Variants in AQR observed in about 807,000 individuals in gnomAD.
The protein encoded by AQR is RNA helicase aquarius.
Under a neutral mutation model 180.5 loss-of-function variants are expected in AQR, and 61 were observed. The ratio of observed to expected loss-of-function variants is 0.34; its 90% CI spans 0.28 to 0.42. The LOEUF is 0.42. Ranked by LOEUF, AQR falls within the 10% of genes least tolerant of loss-of-function variation. AQR has a pLI of 1.00. For missense variants in AQR, 1,281 were observed against 1,798.3 expected, an observed-to-expected ratio of 0.71 and a Z score of 5.20; for synonymous variants, 551 against 588.8, an observed-to-expected ratio of 0.94 and a Z score of 0.93.
In AQR at chr15:34,969,735, G is replaced by A. The variant is rs577812298; in HGVS notation, c.-122C>T. On this transcript the variant is annotated 5_prime_UTR_variant, in exon 1 of 35. Coordinates refer to ENST00000156471, the MANE Select transcript of AQR (RefSeq NM_014691.3). ...AACTCCGCGCCGCACAAACGCTCCG[G>A]GCCGGATATCCTCAGCCTTCAGAGT... is the stretch of plus-strand genomic sequence containing the variant. 1.3e-3 allele frequency: 1,310 copies of A among 972,290 alleles called. 3 individuals are homozygous for A. The highest frequency in any genetic ancestry group is 1.7e-3 in the Non-Finnish European group (1,130 of 669,580). The allele number at this position is 972,290 out of a possible 1,614,324, so 60.2% of individuals were successfully genotyped here.
At chr15:34,920,271 A>C in intron 14 of AQR, 61 bp downstream of exon 14, 1 of 1,228,550 alleles carries the variant, frequency 8.1e-7, no homozygotes, top group Non-Finnish European at 1.2e-6. Context: ...CTACATCTTT[A>C]AGAATGACTT....
chr15:34,919,238 CA>C (rs35127817), intron 14 of AQR, among the ~76,000 whole-genome samples: 78,742 of 111,046 alleles, frequency 0.71, 25,745 homozygotes, highest in Middle Eastern at 0.81. Context: ...GACTCCATCT[CA>C]AAAAAAAAAA....
intron 22 of AQR, among the ~76,000 whole-genome samples, chr15:34,895,623 A>T (rs950214432): frequency 3.3e-5 from 5 of 152,194 alleles, no homozygotes; most frequent in African/African-American, 1.2e-4. Context: ...ATTACATAAT[A>T]ATAAATGGGG....
rs148948264 is a variant in AQR at position 34,919,571 on chromosome 15, C to T, written c.1221+761G>A. 3.3e-3 allele frequency among the ~76,000 whole-genome samples: 499 copies of T among 152,180 alleles called. 4 individuals carry two copies. The highest frequency in any genetic ancestry group is 0.011 in the African/African-American group (473 of 41,508). ...AAGACCTTAATAGGCACAGGATCAA[C>T]GTTATCCTCAAACTTATTTTCCATT... On this transcript the variant is annotated intron_variant, in intron 14 of 34. Coordinates refer to ENST00000156471, the MANE Select transcript of AQR (RefSeq NM_014691.3).
intron 10 of AQR, among the ~76,000 whole-genome samples, chr15:34,933,596 G>T (rs1162662635): frequency 6.6e-6 from 1 of 152,014 alleles, no homozygotes; most frequent in Admixed American, 6.6e-5. Flanking sequence ...ACCCACTACA[G>T]AAAACTCTGT....
intron 1 of AQR, among the ~76,000 whole-genome samples, 170 bp downstream of exon 1, chr15:34,969,369 T>G (rs1180450576): frequency 6.6e-6 from 1 of 152,130 alleles, no homozygotes; most frequent in Non-Finnish European, 1.5e-5. Flanking sequence ...GCCCAGCACC[T>G]AGCATAGTGG....
chr15:34,882,478 A>AAAC, intron 27 of AQR, 24 bp downstream of exon 27: 1 of 1,458,246 alleles, frequency 6.9e-7, no homozygotes, highest in Non-Finnish European at 9.1e-7. Flanking sequence ...AAAAAAAAAA[A>AAAC]AAAAAACTAC....
intron 4 of AQR, among the ~76,000 whole-genome samples, chr15:34,950,264 AT>A (rs1383338791): frequency 6.6e-6 from 1 of 151,438 alleles, no homozygotes; most frequent in Non-Finnish European, 1.5e-5. Context: ...TAATTTTTGT[AT>A]TTTTAGTAGA....
At chr15:34,928,167 C>T (rs975337450) in intron 12 of AQR, among the ~76,000 whole-genome samples, 1 of 152,042 alleles carries the variant, frequency 6.6e-6, no homozygotes, top group Non-Finnish European at 1.5e-5. Context: ...TCTCCACATA[C>T]CTAGTAGGAA....
intron 32 of AQR, 57 bp from the exon 33 acceptor site, chr15:34,863,098 CT>C (rs113629233): frequency 0.06 from 62,398 of 1,046,778 alleles, 39 homozygotes; most frequent in Admixed American, 0.099. Flanking sequence ...ATTTAAGCAG[CT>C]TTTTTTTTTT....
intron 13 of AQR, among the ~76,000 whole-genome samples, chr15:34,920,814 C>T (rs528629506): frequency 8.5e-5 from 13 of 152,074 alleles, no homozygotes; most frequent in African/African-American, 2.4e-4. Flanking sequence ...AAAAATTAGC[C>T]GGGCGTGGTG....
At chr15:34,867,821 T>TA (rs1399299491) in intron 31 of AQR, 1 of 424,500 alleles carries the variant, frequency 2.4e-6, no homozygotes, top group Non-Finnish European at 4.2e-6. Flanking sequence ...TATTAACACT[T>TA]ACAGCACTTG....
At chr15:34,931,855 G>T (rs1472649525) in intron 11 of AQR, among the ~76,000 whole-genome samples, 2 of 152,084 alleles carry the variant, frequency 1.3e-5, no homozygotes, top group African/African-American at 4.8e-5. Context: ...GCTTTCTTCT[G>T]CATGACATAA....
chr15:34,910,695 T>C (rs549399742), intron 16 of AQR, among the ~76,000 whole-genome samples: 1 of 152,342 alleles, frequency 6.6e-6, no homozygotes, highest in Non-Finnish European at 1.5e-5. Context: ...TATTGACGTA[T>C]ACTTGACAAA....
At chr15:34,964,328 C>G in intron 1 of AQR, 38 bp from the exon 2 acceptor site, 1 of 1,515,114 alleles carries the variant, frequency 6.6e-7, no homozygotes, top group South Asian at 1.1e-5. Context: ...GTCCCAGATT[C>G]TTGCCATTGT....
chr15:34,865,903 G>A (rs962833326), intron 32 of AQR, among the ~76,000 whole-genome samples: 2 of 152,148 alleles, frequency 1.3e-5, no homozygotes, highest in African/African-American at 4.8e-5. Flanking sequence ...GTTTGGGGGA[G>A]TGGGGAGGGA....
chr15:34,949,107 C>G (rs1217047408), intron 4 of AQR, among the ~76,000 whole-genome samples: 1 of 151,842 alleles, frequency 6.6e-6, no homozygotes, highest in East Asian at 2.0e-4. Context: ...ATTCTCCTGC[C>G]TCTGCCTCCT....
In AQR at chr15:34,856,612, G is replaced by C. The variant is rs779805723; in HGVS notation, c.*180C>G. The C allele has an allele frequency of 8.2e-6, 4 of 486,036 alleles. No homozygotes were observed. Among genetic ancestry groups the C allele is most frequent in the African/African-American group, 2.0e-5 (1 of 51,154 alleles). 30.1% of individuals were successfully genotyped at this position (486,036 alleles called of 1,614,324 possible). ...TCTTCTGATTGAACAAATGAAACTAGAATTGTTCATACACATAATTTAAAA... is the reference window on the plus strand; with the variant it reads ...TCTTCTGATTGAACAAATGAAACTACAATTGTTCATACACATAATTTAAAA... On this transcript the variant is annotated 3_prime_UTR_variant, in exon 35 of 35. Coordinates refer to ENST00000156471, the MANE Select transcript of AQR (RefSeq NM_014691.3).
intron 30 of AQR, among the ~76,000 whole-genome samples, chr15:34,873,276 A>C (rs1892846864): frequency 6.6e-6 from 1 of 152,138 alleles, no homozygotes; most frequent in African/African-American, 2.4e-5. Flanking sequence ...ACATGCTGAC[A>C]ATTTGTCCAC....
Sources: gnomAD v4.1 joint callset for allele counts (sites outside exome capture counted in the v4.1 genomes callset) on GRCh38, gnomAD v4.1.1 for gene constraint, MANE v1.5 for transcripts, NCBI Gene and HGNC (gene_info 2026-07-23, HGNC 2026-07-21) for gene names.